The following DMD variants were observed in gnomAD, a reference collection of about 807,000 sequenced individuals.
The protein encoded by DMD is dystrophin.
DMD carries 63 observed loss-of-function variants against 330.1 expected under a neutral mutation model. That is an observed-to-expected ratio of 0.19 (90% CI 0.16 to 0.24). DMD has a LOEUF of 0.24. Ranked by LOEUF, DMD falls within the 10% of genes least tolerant of loss-of-function variation. The pLI, the probability that DMD is intolerant of heterozygous loss-of-function variation, is 1.00. For synonymous variants in DMD, 1,223 were observed against 959.8 expected, an observed-to-expected ratio of 1.27 and a Z score of -5.07; for missense variants, 3,344 against 2,684.1, an observed-to-expected ratio of 1.25 and a Z score of -5.43.
At chrX:32,337,014 G>T (rs1199379890) in intron 41 of DMD, among the ~76,000 whole-genome samples, 3 of 111,147 alleles carry the variant, frequency 2.7e-5, no homozygotes, top group Non-Finnish European at 5.7e-5. Flanking sequence ...CTCCTTAGAA[G>T]GAGCTCTCTG....
intron 50 of DMD, among the ~76,000 whole-genome samples, chrX:31,814,482 C>CAAAAAAAAAAAAAAAAAAAA (rs151208391): frequency 3.4e-5 from 1 of 28,990 alleles, no homozygotes; most frequent in Admixed American, 6.7e-4. Flanking sequence ...GACTCCGTCT[C>CAAAAAAAAAAAAAAAAAAAA]AAAAAAAAAA....
At chrX:32,741,503 G>C (rs1249317602) in intron 7 of DMD, among the ~76,000 whole-genome samples, 1 of 111,619 alleles carries the variant, frequency 9.0e-6, no homozygotes, top group East Asian at 2.8e-4. Context: ...ATATCCATGA[G>C]TCCATAAGAC....
intron 44 of DMD, among the ~76,000 whole-genome samples, chrX:32,109,546 G>C (rs997907365): frequency 1.8e-5 from 2 of 109,418 alleles, no homozygotes; most frequent in Non-Finnish European, 3.8e-5. Context: ...GAAAATCTGA[G>C]TGCGGAAATT....
At chrX:31,176,590 T>C (rs2148261939) in intron 71 of DMD, among the ~76,000 whole-genome samples, 1 of 111,461 alleles carries the variant, frequency 9.0e-6, no homozygotes, top group South Asian at 3.7e-4. Context: ...CATTCCCTTA[T>C]CAGGATCCAA....
At chrX:33,209,295 T>C (rs2051762024) in intron 1 of DMD, among the ~76,000 whole-genome samples, 1 of 111,581 alleles carries the variant, frequency 9.0e-6, no homozygotes, top group African/African-American at 3.2e-5. Context: ...ATCAGCAATC[T>C]CTTTTTCGTA....
chrX:32,875,009 A>C lies in DMD; in HGVS notation c.94-25189T>G, dbSNP rs138412398. On this transcript the variant is annotated intron_variant, in intron 2 of 78. Transcript: ENST00000357033. Reference sequence around the variant, plus strand: ...CACCACACAGAGTAGAAAAATCAATAAGCTGAACACGGCTGAATTCCTGAT... The same window carrying C: ...CACCACACAGAGTAGAAAAATCAATCAGCTGAACACGGCTGAATTCCTGAT... 3.5e-3 allele frequency among the ~76,000 whole-genome samples: 395 copies of C among 112,205 alleles called. 1 individual carries two copies. Among genetic ancestry groups the C allele is most frequent in the Non-Finnish European group, 6.2e-3 (329 of 53,234 alleles).
intron 37 of DMD, among the ~76,000 whole-genome samples, chrX:32,348,814 A>C (rs1210520760): frequency 9.0e-6 from 1 of 111,592 alleles, no homozygotes; most frequent in Admixed American, 9.5e-5. Flanking sequence ...TGAATGGGCT[A>C]ATTTTTAATA....
At chrX:32,851,815 C>T (rs1162827754) in intron 2 of DMD, among the ~76,000 whole-genome samples, 1 of 111,811 alleles carries the variant, frequency 8.9e-6, no homozygotes, top group Admixed American at 9.5e-5. Flanking sequence ...TGGGAAGCAA[C>T]ACAGGGCAGA....
chrX:32,387,365 C>G (rs1041184263), intron 32 of DMD, among the ~76,000 whole-genome samples: 1 of 110,519 alleles, frequency 9.0e-6, no homozygotes, highest in Admixed American at 9.7e-5. Context: ...TGTGTATATA[C>G]GTATACACGT....
intron 1 of DMD, among the ~76,000 whole-genome samples, chrX:33,043,921 G>GGC (rs2094342035): frequency 9.4e-6 from 1 of 106,373 alleles, no homozygotes; most frequent in Admixed American, 1.0e-4. Flanking sequence ...GTATATATTA[G>GGC]GCTCAACTTT....
At chrX:31,817,873 T>G (rs191554600) in intron 50 of DMD, among the ~76,000 whole-genome samples, 1 of 112,001 alleles carries the variant, frequency 8.9e-6, no homozygotes, top group African/African-American at 3.2e-5. Flanking sequence ...CGTTGCTCAG[T>G]CTTTTCTCTC....
rs1205077446 is a variant in DMD, at chrX:32,454,692, A to C, written c.3573T>G (p.Asp1191Glu). 8.5e-7 allele frequency: 1 copy of C among 1,178,877 alleles called. No individual in the cohort carries two copies. Among genetic ancestry groups the C allele is most frequent in the East Asian group, 3.1e-5 (1 of 32,622 alleles). ...TCTCTTCAACTGCTTTCTGTAATTC[A>C]TCTGGAGTTTTATATTCAAAATCTC... is the stretch of plus-strand genomic sequence containing the variant. The part of the protein sequence containing the change: ...LERDFEYKTP[D>E]ELQKAVEEMK... Residue 1191 changes from aspartate (D) to glutamate (E), a missense_variant, in exon 26 of 79, where the codon GAT becomes GAG. By Grantham distance (45) the Asp-to-Glu change is conservative. Coordinates refer to ENST00000357033, the MANE Select transcript of DMD (RefSeq NM_004006.3).
intron 60 of DMD, among the ~76,000 whole-genome samples, chrX:31,355,746 G>A (rs1181667071): frequency 3.6e-5 from 4 of 110,449 alleles, no homozygotes; most frequent in African/African-American, 1.3e-4. Context: ...AACATTATCC[G>A]GGAAACGCTC....
At chrX:33,275,063 T>C (rs1478339483) in intron 1 of DMD, among the ~76,000 whole-genome samples, 1 of 111,911 alleles carries the variant, frequency 8.9e-6, no homozygotes, top group Non-Finnish European at 1.9e-5. Flanking sequence ...TTGTGCTGTT[T>C]GTTTTCTAAG....
At chrX:31,529,626 T>C (rs1227699740) in intron 55 of DMD, among the ~76,000 whole-genome samples, 2 of 111,409 alleles carry the variant, frequency 1.8e-5, no homozygotes, top group African/African-American at 3.3e-5. Context: ...ACGCAGTGAA[T>C]TGATCACTGC....
rs184859462 is a variant in DMD at position 32,333,518 on chromosome X, C to T, written c.5922+8582G>A. On this transcript the variant is annotated intron_variant, in intron 41 of 78. Transcript: ENST00000357033. ...AGCAGTATTTAAAATTATTTCTTTG[C>T]TTTTTTTGGATTCATCAGATTCATC... Among the ~76,000 whole-genome samples, 578 of 111,178 alleles carry T rather than the reference C, an allele frequency of 5.2e-3. 13 individuals are homozygous for T. The East Asian group carries it at 0.09, about 17-fold the overall frequency.
intron 55 of DMD, among the ~76,000 whole-genome samples, chrX:31,547,284 G>T (rs1427739752): frequency 8.9e-6 from 1 of 112,043 alleles, no homozygotes; most frequent in Non-Finnish European, 1.9e-5. Flanking sequence ...AATGAAAGCT[G>T]GTTATAATGA....
intron 1 of DMD, among the ~76,000 whole-genome samples, chrX:33,048,625 T>C (rs1215949892): frequency 1.2e-5 from 1 of 85,063 alleles, no homozygotes; most frequent in Non-Finnish European, 2.1e-5. Context: ...ACCCGGGAGG[T>C]GGAGGTTGCA....
At chrX:31,260,495 T>G (rs1455839987) in intron 63 of DMD, among the ~76,000 whole-genome samples, 3 of 111,910 alleles carry the variant, frequency 2.7e-5, no homozygotes, top group Non-Finnish European at 3.8e-5. Context: ...TTCACATTAA[T>G]GACCCGCCAG....
Sources: allele counts gnomAD v4.1 joint callset (sites outside exome capture counted in the v4.1 genomes callset), GRCh38; gene constraint gnomAD v4.1.1; transcripts MANE v1.5; gene names NCBI Gene and HGNC (gene_info 2026-07-23, HGNC 2026-07-21).